The following OGG1 variants were observed in gnomAD, a reference collection of about 807,000 sequenced individuals.
OGG1 encodes the protein N-glycosylase/DNA lyase.
A neutral mutation model predicts 42.3 loss-of-function variants in OGG1; 35 were observed. The ratio of observed to expected loss-of-function variants is 0.83; its 90% CI spans 0.63 to 1.10. The LOEUF (loss-of-function observed/expected upper bound fraction) is 1.10. Ranked by LOEUF, OGG1 falls within the 50% of genes least tolerant of loss-of-function variation. The pLI, the probability that OGG1 is intolerant of heterozygous loss-of-function variation, is 0.00. For missense variants in OGG1, 484 were observed against 446.7 expected (o/e 1.08, Z -0.75); for synonymous variants, 189 against 179.0 (o/e 1.06, Z -0.44).
chr3:9,750,290 C>G lies in OGG1; in HGVS notation c.4C>G (p.Pro2Ala). The stretch of plus-strand genomic sequence containing the variant: ...CGGGGCGGTGCCTGCTGTGGAAATG[C>G]CTGCCCGCGCGCTTCTGCCCAGGCG... M[P>A]ARALLPRRMG... Residue 2 changes from proline to alanine, a missense_variant, in exon 1 of 7, where the codon CCT becomes GCT. Transcript: ENST00000344629. 9 of 1,610,150 alleles carry G rather than the reference C, an allele frequency of 5.6e-6. No individual in the cohort carries two copies. Among genetic ancestry groups the G allele is most frequent in the African/African-American group, 1.3e-5 (1 of 74,982 alleles).
At chr3:9,763,507 C>T (rs902356146) in intron 7 of OGG1, among the ~76,000 whole-genome samples, 3 of 151,952 alleles carry the variant, frequency 2.0e-5, no homozygotes, top group Non-Finnish European at 4.4e-5. Flanking sequence ...CCAAGGATCT[C>T]GTCCCCAAAG....
chr3:9,760,279 C>G (rs972953991), downstream of OGG1: 1 of 195,454 alleles, frequency 5.1e-6, no homozygotes, highest in African/African-American at 2.4e-5. Context: ...TTGTTCTTGA[C>G]TAATCTCAGT....
Position 9,750,188 on chromosome 3 carries a change from C to G in OGG1, c.-99C>G, listed in dbSNP as rs2077227918. The G allele has an allele frequency of 6.8e-7, 1 of 1,473,374 alleles. No individual in the cohort carries two copies. The highest frequency in any genetic ancestry group is 1.3e-5 in the South Asian group (1 of 78,646). 91.3% of individuals were successfully genotyped at this position (1,473,374 alleles called of 1,614,324 possible). On this transcript the variant is annotated 5_prime_UTR_variant, in exon 1 of 7. Transcript: ENST00000344629. The stretch of plus-strand genomic sequence containing the variant: ...TTAAACAGCACCGTGTGGGCGAGGC[C>G]TTAAGGGTCGTGGTCCTTGTCTGGG...
intron 2 of OGG1, among the ~76,000 whole-genome samples, chr3:9,778,200 C>T (rs1474890241): frequency 6.6e-6 from 1 of 152,148 alleles, no homozygotes; most frequent in East Asian, 1.9e-4. Flanking sequence ...CCCTTCATTG[C>T]ATTATCATTA....
intron 3 of OGG1, among the ~76,000 whole-genome samples, chr3:9,785,762 C>T (rs922059193): frequency 2.0e-5 from 3 of 152,236 alleles, no homozygotes; most frequent in Non-Finnish European, 2.9e-5. Flanking sequence ...GAATGCCATA[C>T]TCTTCTTTCC....
chr3:9,767,711 C>T (rs142562247), downstream of OGG1: 73 of 1,614,182 alleles, frequency 4.5e-5, no homozygotes, highest in African/African-American at 3.6e-4. Context: ...TAATGTCCTC[C>T]GCCTGCTTCC....
At chr3:9,759,103 C>A (rs1321798576), downstream of OGG1, 1 of 1,138,724 alleles carries the variant, frequency 8.8e-7, no homozygotes, top group Non-Finnish European at 1.3e-6. Context: ...CCCCTCCAGT[C>A]TGGCCAGGCT....
At chr3:9,753,447 T>C (rs1238203376) in intron 3 of OGG1, among the ~76,000 whole-genome samples, 1 of 150,734 alleles carries the variant, frequency 6.6e-6, no homozygotes, top group Non-Finnish European at 1.5e-5. Context: ...GGTCAGGAGA[T>C]CAAGACCATC....
chr3:9,772,261 A>T (rs754066081), intron 2 of OGG1, among the ~76,000 whole-genome samples: 7 of 152,228 alleles, frequency 4.6e-5, no homozygotes, highest in Non-Finnish European at 8.8e-5. Flanking sequence ...TGGTCATTGC[A>T]GGAAAATTCC....
At chr3:9,781,228 T>C (rs766146565) in intron 2 of OGG1, among the ~76,000 whole-genome samples, 4 of 151,992 alleles carry the variant, frequency 2.6e-5, no homozygotes, top group Admixed American at 2.0e-4. Context: ...GGAAGATCAC[T>C]TGAAGCCAGG....
chr3:9,787,863 G>T, exon 4 of OGG1: 1 of 475,198 alleles, frequency 2.1e-6, no homozygotes, highest in Non-Finnish European at 3.7e-6. Context: ...TGAGATCAGG[G>T]CCTTGAAGGG....
rs2077225587 is a variant in OGG1, at chr3:9,750,122, C to G, written c.-165C>G. The G allele has an allele frequency of 1.1e-6, 1 of 879,362 alleles. No homozygotes were observed. The highest frequency in any genetic ancestry group is 1.7e-5 in the South Asian group (1 of 57,256). 54.5% of individuals were successfully genotyped at this position (879,362 alleles called of 1,614,324 possible). Reference sequence around the variant, plus strand: ...CTTTGATGACCCGCAAAGGGCGAGGCATGCAGGAGGTGGAGGAATTAAGTG... The same window carrying G: ...CTTTGATGACCCGCAAAGGGCGAGGGATGCAGGAGGTGGAGGAATTAAGTG... On this transcript the variant is annotated 5_prime_UTR_variant, in exon 1 of 7. Coordinates refer to ENST00000344629, the MANE Select transcript of OGG1 (RefSeq NM_002542.6).
intron 7 of OGG1, among the ~76,000 whole-genome samples, chr3:9,764,710 G>A (rs1157171090): frequency 1.5e-5 from 2 of 131,414 alleles, no homozygotes; most frequent in Non-Finnish European, 3.1e-5. Context: ...TCGGCTCACC[G>A]CAACCTCCAC....
chr3:9,759,203 C>G, downstream of OGG1: 1 of 1,613,520 alleles, frequency 6.2e-7, no homozygotes, highest in Non-Finnish European at 8.5e-7. Flanking sequence ...CAGGTCATCA[C>G]CACTTTTATG....
downstream of OGG1, among the ~76,000 whole-genome samples, chr3:9,769,137 A>G (rs1361766286): frequency 6.6e-6 from 1 of 151,916 alleles, no homozygotes; most frequent in East Asian, 1.9e-4. Flanking sequence ...AGTGCCCCAG[A>G]CAGCCCTGCA....
chr3:9,776,902 T>G (rs776350627), intron 2 of OGG1, among the ~76,000 whole-genome samples: 3 of 152,186 alleles, frequency 2.0e-5, no homozygotes, highest in Non-Finnish European at 4.4e-5. Context: ...ATGGGGAGTT[T>G]ATTGATACCT....
chr3:9,787,063 C>T (rs143019380), intron 3 of OGG1: 441 of 1,614,114 alleles, frequency 2.7e-4, no homozygotes, highest in Non-Finnish European at 2.7e-4. Flanking sequence ...ATCCATCTTC[C>T]GGCTGTTCAT....
chr3:9,788,948 G>T (rs1223866065), downstream of OGG1, among the ~76,000 whole-genome samples: 2 of 151,700 alleles, frequency 1.3e-5, no homozygotes, highest in Non-Finnish European at 2.9e-5. Context: ...AGATCCTCCT[G>T]ACTCAGCCTC....
At chr3:9,769,546 C>G (rs1233177279), downstream of OGG1, among the ~76,000 whole-genome samples, 2 of 152,192 alleles carry the variant, frequency 1.3e-5, no homozygotes, top group Non-Finnish European at 2.9e-5. Context: ...GCAAGCCCCC[C>G]CACCCCATGG....
Sources: allele counts gnomAD v4.1 joint callset (sites outside exome capture counted in the v4.1 genomes callset), GRCh38; gene constraint gnomAD v4.1.1; transcripts MANE v1.5; gene names NCBI Gene and HGNC (gene_info 2026-07-23, HGNC 2026-07-21).